Variants in DYNC2I1 observed in about 807,000 individuals in gnomAD.
DYNC2I1 encodes cytoplasmic dynein 2 intermediate chain 1.
DYNC2I1 carries 89 observed loss-of-function variants against 133.4 expected under a neutral mutation model. That is an observed-to-expected ratio of 0.67 (90% CI 0.56 to 0.80). The LOEUF is 0.80. Among genes scored for constraint, DYNC2I1 ranks in the 30% least tolerant of loss-of-function variants. The pLI is 0.00. For missense variants in DYNC2I1, 1,291 were observed against 1,314.5 expected (o/e 0.98, Z 0.28); for synonymous variants, 504 against 484.3 (o/e 1.04, Z -0.54).
Position 158,863,847 on chromosome 7 carries a change from C to T in DYNC2I1, c.16-6008C>T, listed in dbSNP as rs544326652. Among the ~76,000 whole-genome samples the T allele has an allele frequency of 2.7e-4, 28 of 102,822 alleles. No homozygotes were observed. The South Asian group carries it at 2.8e-3, about 10-fold the overall frequency. 67.5% of individuals were successfully genotyped at this position (102,822 alleles called of 152,430 possible). A position where few individuals can be genotyped will look rare whatever the true frequency, so the allele number is the denominator to read the frequency against. ...GTGGGGAGCCGGACGTCCTTAGCTC[C>T]GGGTGTTGGAGGGTGTTGGAGGGGG... On this transcript the variant is annotated intron_variant, in intron 1 of 24. Transcript: ENST00000407559.
chr7:158,854,788 T>A (rs1010537090), upstream of DYNC2I1, among the ~76,000 whole-genome samples: 1 of 152,224 alleles, frequency 6.6e-6, no homozygotes, highest in African/African-American at 2.4e-5. Context: ...TTCACTGTCA[T>A]AATTTTCTCA....
At chr7:158,918,967 G>T in intron 15 of DYNC2I1, 98 bp downstream of exon 15, 1 of 1,299,436 alleles carries the variant, frequency 7.7e-7, no homozygotes, top group Non-Finnish European at 1.0e-6. Context: ...AATGTGATGG[G>T]GTTTAATGTA....
intron 8 of DYNC2I1, among the ~76,000 whole-genome samples, chr7:158,897,744 A>G (rs114230127): frequency 1.5e-3 from 232 of 151,870 alleles, no homozygotes; most frequent in African/African-American, 5.4e-3. Flanking sequence ...TTTAATTTTG[A>G]TTTCTGCTCT....
the DYNC2I1 span, among the ~76,000 whole-genome samples, chr7:158,849,723 T>C: frequency 6.6e-6 from 1 of 152,226 alleles, no homozygotes; most frequent in Non-Finnish European, 1.5e-5. Flanking sequence ...TCCTCTCTGC[T>C]GTCAGGTTGT....
chr7:158,941,809 T>C, intron 23 of DYNC2I1, 116 bp from the exon 24 acceptor site: 5 of 1,234,240 alleles, frequency 4.1e-6, no homozygotes, highest in Non-Finnish European at 4.5e-6. Flanking sequence ...GCCCGGGAGG[T>C]CAAGCTGCCA....
intron 1 of DYNC2I1, among the ~76,000 whole-genome samples, chr7:158,866,969 T>G (rs937433733): frequency 3.9e-5 from 6 of 151,984 alleles, no homozygotes; most frequent in African/African-American, 1.4e-4. Context: ...AGGAAGAGTT[T>G]TAGTGGCTTG....
rs1204405769 is a variant in DYNC2I1 at position 158,913,078 on chromosome 7, A to G, written c.1684A>G (p.Ser562Gly). 6.2e-7 allele frequency: 1 copy of G among 1,613,138 alleles called. No homozygotes were observed. The highest frequency in any genetic ancestry group is 8.5e-7 in the Non-Finnish European group (1 of 1,179,400). Residue 562 changes from serine to glycine, a missense_variant, in exon 13 of 25, where the codon AGT (serine) becomes GGT (glycine). Ser to Gly is a moderately conservative substitution (Grantham distance 56). Coordinates refer to ENST00000407559, the MANE Select transcript of DYNC2I1 (RefSeq NM_018051.5). Reference protein sequence around the residue: ...REVWTQHPGESTVVSGGSEQR... With the variant: ...REVWTQHPGEGTVVSGGSEQR... ...AGTGTGGACCCAGCACCCGGGAGAAAGTACTGTTGTATCTGGAGGTAACAT... is the reference window on the plus strand; with the variant it reads ...AGTGTGGACCCAGCACCCGGGAGAAGGTACTGTTGTATCTGGAGGTAACAT...
intron 8 of DYNC2I1, among the ~76,000 whole-genome samples, chr7:158,897,069 C>T (rs1332536489): frequency 6.6e-6 from 1 of 151,178 alleles, no homozygotes; most frequent in Non-Finnish European, 1.5e-5. Context: ...CTGCAGCCTC[C>T]ACCTCCTGGG....
intron 4 of DYNC2I1, among the ~76,000 whole-genome samples, chr7:158,951,578 C>G (rs1852053677): frequency 6.6e-6 from 1 of 152,234 alleles, no homozygotes; most frequent in Non-Finnish European, 1.5e-5. Context: ...TGGCCTCTGT[C>G]CTGGCACCTG....
intron 7 of DYNC2I1, among the ~76,000 whole-genome samples, chr7:158,887,696 C>G (rs1844739571): frequency 6.6e-6 from 1 of 152,194 alleles, no homozygotes; most frequent in African/African-American, 2.4e-5. Flanking sequence ...CAGATCTCCC[C>G]ACAAAGTCGC....
chr7:158,934,506 T>C lies in DYNC2I1; in HGVS notation c.2735T>C (p.Val912Ala), dbSNP rs1320915463. ...PQQHGIRPVKVNVIDFSPFGE... is the reference protein window; with the variant it reads ...PQQHGIRPVKANVIDFSPFGE... The stretch of plus-strand genomic sequence containing the variant: ...CAACATGGTATAAGACCAGTGAAAG[T>C]TAATGTCATTGATTTTTCACCATTT... The change falls in exon 23 of 25, where the codon GTT becomes GCT. Residue 912 changes from valine to alanine, a missense_variant. By Grantham distance (64) the Val-to-Ala change is moderately conservative. Coordinates refer to ENST00000407559, the MANE Select transcript of DYNC2I1 (RefSeq NM_018051.5). 1 of 1,563,986 alleles carries C rather than the reference T, an allele frequency of 6.4e-7. No individual in the cohort carries two copies. Among genetic ancestry groups the C allele is most frequent in the African/African-American group, 1.4e-5 (1 of 73,670 alleles).
chr7:158,940,743 TAAG>T lies in DYNC2I1; in HGVS notation c.2779-1179_2779-1177del, dbSNP rs1344748165. 2.6e-5 allele frequency among the ~76,000 whole-genome samples: 4 copies of T among 152,138 alleles called. No individual in the cohort carries two copies. In the South Asian group the frequency reaches 6.2e-4, roughly 24 times the overall value. On this transcript the variant is annotated intron_variant, in intron 23 of 24. Coordinates refer to ENST00000407559, the MANE Select transcript of DYNC2I1 (RefSeq NM_018051.5). ...CTTCCTGAATGTCCAGTGGGTCAATTAAGAAATTAAGAAGGACATTTAAAAATT... is the reference window on the plus strand; with the variant it reads ...CTTCCTGAATGTCCAGTGGGTCAATTAAATTAAGAAGGACATTTAAAAATT...
chr7:158,949,164 C>T (rs866680110), downstream of DYNC2I1, among the ~76,000 whole-genome samples: 1 of 152,190 alleles, frequency 6.6e-6, no homozygotes, highest in Non-Finnish European at 1.5e-5. Flanking sequence ...CTCTTGGAGA[C>T]TCAACACCAG....
intron 4 of DYNC2I1, 74 bp from the exon 5 acceptor site, chr7:158,879,610 C>T: frequency 1.4e-6 from 2 of 1,461,534 alleles, no homozygotes; most frequent in Non-Finnish European, 1.8e-6. Flanking sequence ...CGTTGCAGAA[C>T]CCACAGAGAG....
At chr7:158,914,534 C>T (rs1847817184) in intron 14 of DYNC2I1, among the ~76,000 whole-genome samples, 1 of 152,304 alleles carries the variant, frequency 6.6e-6, no homozygotes, top group South Asian at 2.1e-4. Context: ...ATGTATATCA[C>T]TGAAGTACTA....
chr7:158,905,134 C>CT (rs769134663), intron 10 of DYNC2I1: 5 of 313,824 alleles, frequency 1.6e-5, no homozygotes, highest in African/African-American at 5.7e-5. Context: ...TCTTGTCTTT[C>CT]TTTTTCTTTT....
At chr7:158,915,797 G>T (rs376628056) in intron 14 of DYNC2I1, among the ~76,000 whole-genome samples, 1 of 69,008 alleles carries the variant, frequency 1.4e-5, no homozygotes, top group Admixed American at 1.2e-4. Flanking sequence ...ATTGTGAAAC[G>T]TCGACACGCT....
chr7:158,927,980 C>T (rs1010150139), intron 20 of DYNC2I1, among the ~76,000 whole-genome samples: 1 of 152,168 alleles, frequency 6.6e-6, no homozygotes, highest in South Asian at 2.1e-4. Flanking sequence ...GTGTCCGAGT[C>T]TTTCAGTGCG....
intron 23 of DYNC2I1, among the ~76,000 whole-genome samples, chr7:158,937,408 C>T (rs895040155): frequency 3.9e-5 from 6 of 152,182 alleles, no homozygotes; most frequent in Admixed American, 2.0e-4. Flanking sequence ...GGGTGGATCA[C>T]GAGGTCAGGA....
Sources: gnomAD v4.1 joint callset for allele counts (sites outside exome capture counted in the v4.1 genomes callset) on GRCh38, gnomAD v4.1.1 for gene constraint, MANE v1.5 for transcripts, NCBI Gene and HGNC (gene_info 2026-07-23, HGNC 2026-07-21) for gene names.